ZPLD1: variants seen among roughly 807,000 people sequenced by gnomAD.
ZPLD1 encodes the protein zona pellucida-like domain-containing protein 1.
A neutral mutation model predicts 47.2 loss-of-function variants in ZPLD1; 34 were observed. That is an observed-to-expected ratio of 0.72 (90% confidence interval 0.55 to 0.96). The LOEUF is 0.96. ZPLD1 is among the 40% of genes least tolerant of loss of function. ZPLD1 has a pLI of 0.00. For synonymous variants in ZPLD1, 176 were observed against 186.2 expected (o/e 0.95, Z 0.45); for missense variants, 512 against 505.8 (o/e 1.01, Z -0.12).
At chr3:102,418,423 C>T (rs1470893256) in intron 8 of ZPLD1, among the ~76,000 whole-genome samples, 1 of 151,928 alleles carries the variant, frequency 6.6e-6, no homozygotes, top group African/African-American at 2.4e-5. Context: ...AACATCTTCC[C>T]CTACTTGGGT....
At chr3:102,434,731 A>G (rs755818407), upstream of ZPLD1, among the ~76,000 whole-genome samples, 6 of 152,274 alleles carry the variant, frequency 3.9e-5, no homozygotes, top group Non-Finnish European at 8.8e-5. Flanking sequence ...GTAAACCACT[A>G]TTAAAATCCA....
intron 10 of ZPLD1, among the ~76,000 whole-genome samples, chr3:102,472,215 G>T (rs1228738547): frequency 1.3e-5 from 2 of 152,084 alleles, no homozygotes; most frequent in Non-Finnish European, 2.9e-5. Flanking sequence ...AAGATTTTTG[G>T]TATGTGCTTT....
intron 3 of ZPLD1, among the ~76,000 whole-genome samples, chr3:102,440,090 A>C (rs1481883498): frequency 1.3e-5 from 2 of 152,208 alleles, no homozygotes; most frequent in Non-Finnish European, 2.9e-5. Flanking sequence ...AGTTTAAGTA[A>C]ATTCAAGTCA....
At chr3:102,430,028 A>G (rs1706997818), upstream of ZPLD1, among the ~76,000 whole-genome samples, 1 of 152,190 alleles carries the variant, frequency 6.6e-6, no homozygotes, top group Admixed American at 6.5e-5. Flanking sequence ...CCCTAGTATT[A>G]TAACAGTAGC....
intron 5 of ZPLD1, among the ~76,000 whole-genome samples, 171 bp downstream of exon 5, chr3:102,456,545 A>ATATCTATCTATC (rs3077584): frequency 0.057 from 8,407 of 147,066 alleles, 248 homozygotes; most frequent in East Asian, 0.082. Context: ...TTTATCTATT[A>ATATCTATCTATC]TATCTATCTA....
chr3:102,402,590 A>G, intron 7 of ZPLD1, among the ~76,000 whole-genome samples: 1 of 152,014 alleles, frequency 6.6e-6, no homozygotes, highest in Non-Finnish European at 1.5e-5. Context: ...AAGGTAGTGG[A>G]AAGAAATGGC....
intron 6 of ZPLD1, among the ~76,000 whole-genome samples, chr3:102,389,319 T>C (rs1464472230): frequency 6.6e-6 from 1 of 152,004 alleles, no homozygotes; most frequent in Non-Finnish European, 1.5e-5. Context: ...GACTCAGGAG[T>C]TGTGCTAAGT....
rs568303603 is a variant in ZPLD1 at position 102,453,085 on chromosome 3, G to A, written c.273G>A (p.Val91=). The A allele has an allele frequency of 1.2e-6, 2 of 1,613,974 alleles. No individual in the cohort carries two copies. Among genetic ancestry groups the A allele is most frequent in the South Asian group, 1.1e-5 (1 of 91,076 alleles). ...TCAATAACAACACCTTTCCAGCAGT[G>A]GTCATTTTTATCATCAATCTCAGCA... is the stretch of plus-strand genomic sequence containing the variant. ...GFINNNTFPA[V]VIFIINLSTL... is the part of the protein sequence containing the mutation. Residue 91 remains valine, a synonymous_variant, in exon 4 of 12, where the codon GTG becomes GTA. Transcript: ENST00000466937.
At chr3:102,432,289 C>T (rs1283145732), upstream of ZPLD1, among the ~76,000 whole-genome samples, 1 of 152,148 alleles carries the variant, frequency 6.6e-6, no homozygotes, top group Non-Finnish European at 1.5e-5. Flanking sequence ...TGGAGAGTAG[C>T]TGCTCAGTAA....
At chr3:102,388,339 A>C (rs1706456284) in intron 6 of ZPLD1, among the ~76,000 whole-genome samples, 1 of 152,020 alleles carries the variant, frequency 6.6e-6, no homozygotes, top group Non-Finnish European at 1.5e-5. Context: ...AATGTTTTAC[A>C]ATCTTTATCT....
chr3:102,458,505 T>C (rs943377649), intron 6 of ZPLD1, among the ~76,000 whole-genome samples: 5 of 152,364 alleles, frequency 3.3e-5, no homozygotes, highest in African/African-American at 1.2e-4. Context: ...GATTTAAATA[T>C]CAATTTTTCA....
At chr3:102,463,061 C>G (rs1707534181) in intron 7 of ZPLD1, among the ~76,000 whole-genome samples, 1 of 152,084 alleles carries the variant, frequency 6.6e-6, no homozygotes, top group South Asian at 2.1e-4. Context: ...TATTTCTATT[C>G]TTGTATGAGT....
intron 8 of ZPLD1, among the ~76,000 whole-genome samples, chr3:102,426,213 C>A (rs1052110093): frequency 6.6e-6 from 1 of 151,728 alleles, no homozygotes; most frequent in Non-Finnish European, 1.5e-5. Flanking sequence ...AGAAATACTG[C>A]CACTACTTAA....
upstream of ZPLD1, among the ~76,000 whole-genome samples, chr3:102,430,628 G>A (rs554296540): frequency 6.6e-6 from 1 of 152,276 alleles, no homozygotes; most frequent in African/African-American, 2.4e-5. Flanking sequence ...TTAGGAAAGG[G>A]TTGACAAAGA....
chr3:102,390,936 G>GA (rs34706457), intron 6 of ZPLD1, among the ~76,000 whole-genome samples: 119 of 148,252 alleles, frequency 8.0e-4, no homozygotes, highest in East Asian at 4.7e-3. Context: ...AGGCTCCCAA[G>GA]AAAAAAAAAA....
rs547285061 is a variant in ZPLD1, at chr3:102,437,792, G to A, written c.-8-688G>A. ...CATTACTTTATCCTAAGAATTCAAC[G>A]TTTTCTTATGTCTGTATCAGTCCTT... On this transcript the variant is annotated intron_variant, in intron 2 of 11. Coordinates refer to ENST00000466937, the MANE Select transcript of ZPLD1 (RefSeq NM_001329788.2). Among the ~76,000 whole-genome samples, 10 of 152,284 alleles carry A rather than the reference G, an allele frequency of 6.6e-5. No homozygotes were observed. In the East Asian group the frequency reaches 1.3e-3, roughly 21 times the overall value.
intron 8 of ZPLD1, 56 bp from the exon 9 acceptor site, chr3:102,468,908 C>T: frequency 1.3e-6 from 2 of 1,511,020 alleles, no homozygotes; most frequent in Non-Finnish European, 1.8e-6. Flanking sequence ...ATTTACAAGT[C>T]CCAGTAGGTT....
At chr3:102,434,859 T>C (rs1707063182), upstream of ZPLD1, among the ~76,000 whole-genome samples, 1 of 152,158 alleles carries the variant, frequency 6.6e-6, no homozygotes, top group African/African-American at 2.4e-5. Flanking sequence ...CCTTAGATTA[T>C]TCCAGAGTAA....
chr3:102,473,946 T>A (rs1029133768), intron 10 of ZPLD1, among the ~76,000 whole-genome samples: 2 of 152,228 alleles, frequency 1.3e-5, no homozygotes, highest in Non-Finnish European at 2.9e-5. Context: ...CAAAGCTCTC[T>A]GATGCTTGGA....
Sources: allele counts gnomAD v4.1 joint callset (sites outside exome capture counted in the v4.1 genomes callset), GRCh38; gene constraint gnomAD v4.1.1; transcripts MANE v1.5; gene names NCBI Gene and HGNC (gene_info 2026-07-23, HGNC 2026-07-21).